Variants in ADAMTSL1 observed in about 807,000 individuals in gnomAD.
ADAMTSL1 encodes ADAMTS like 1, also known as ADAMTS-like protein 1.
ADAMTSL1 carries 126 observed loss-of-function variants against 201.8 expected under a neutral mutation model. That is an observed-to-expected ratio of 0.62 (90% CI 0.54 to 0.72). The LOEUF (loss-of-function observed/expected upper bound fraction) is 0.72, where lower values mean the gene tolerates loss of function less well. Ranked by LOEUF, ADAMTSL1 falls within the 30% of genes least tolerant of loss-of-function variation. The probability of loss-of-function intolerance (pLI) is 0.00; values close to 1 mark genes in which losing one functional copy is unlikely to be tolerated. For missense variants in ADAMTSL1, 2,679 were observed against 2,277.8 expected, an observed-to-expected ratio of 1.18 and a Z score of -3.59; for synonymous variants, 1,121 against 903.4, an observed-to-expected ratio of 1.24 and a Z score of -4.32.
chr9:17,989,743 T>C (rs1819074156), intron 1 of ADAMTSL1, among the ~76,000 whole-genome samples: 3 of 151,962 alleles, frequency 2.0e-5, no homozygotes, highest in Non-Finnish European at 4.4e-5. Context: ...GGGTATTTGT[T>C]TATTTCTAGA....
chr9:18,610,043 G>T (rs1825278533), intron 4 of ADAMTSL1, among the ~76,000 whole-genome samples: 1 of 152,046 alleles, frequency 6.6e-6, no homozygotes, highest in Non-Finnish European at 1.5e-5. Flanking sequence ...ATAGATTCTT[G>T]GTATAAATAA....
intron 10 of ADAMTSL1, among the ~76,000 whole-genome samples, chr9:18,676,615 G>A (rs1425631491): frequency 6.6e-6 from 1 of 152,060 alleles, no homozygotes; most frequent in Non-Finnish European, 1.5e-5. Context: ...GCTACTGAGT[G>A]TGTTCACTGC....
chr9:18,757,538 C>T (rs1819843766), intron 16 of ADAMTSL1, among the ~76,000 whole-genome samples: 1 of 152,044 alleles, frequency 6.6e-6, no homozygotes. Context: ...CGCATCTGTC[C>T]CTGCCCTGTC....
chr9:17,918,445 G>T (rs908991023), intron 1 of ADAMTSL1, among the ~76,000 whole-genome samples: 11 of 151,502 alleles, frequency 7.3e-5, no homozygotes, highest in African/African-American at 4.8e-5. Flanking sequence ...GATTATCTGG[G>T]TATCTTTGTG....
chr9:18,713,660 A>T (rs963309686), intron 14 of ADAMTSL1, among the ~76,000 whole-genome samples: 5 of 150,658 alleles, frequency 3.3e-5, no homozygotes, highest in Admixed American at 3.3e-4. Context: ...GGAGACTTTA[A>T]CACCCCACTG....
chr9:18,122,929 G>T (rs1369390446), intron 1 of ADAMTSL1, among the ~76,000 whole-genome samples: 2 of 151,960 alleles, frequency 1.3e-5, no homozygotes, highest in African/African-American at 4.8e-5. Context: ...TGTCAAGATG[G>T]AGTTTCACCA....
intron 1 of ADAMTSL1, among the ~76,000 whole-genome samples, chr9:17,947,905 A>G (rs1262212219): frequency 1.3e-5 from 2 of 152,192 alleles, no homozygotes; most frequent in African/African-American, 4.8e-5. Context: ...GCAGCTGCAC[A>G]TGATACACCA....
chr9:18,350,016 C>G (rs1441861596), intron 2 of ADAMTSL1, among the ~76,000 whole-genome samples: 1 of 151,712 alleles, frequency 6.6e-6, no homozygotes, highest in Non-Finnish European at 1.5e-5. Flanking sequence ...GTGTTGTTGG[C>G]CTGCAGTAAC....
intron 15 of ADAMTSL1, among the ~76,000 whole-genome samples, chr9:18,738,669 G>A (rs1158750942): frequency 6.6e-6 from 1 of 152,028 alleles, no homozygotes; most frequent in African/African-American, 2.4e-5. Flanking sequence ...AGGATCAGAG[G>A]GCAACTAGAA....
At chr9:18,819,207 G>T (rs1010857334) in intron 21 of ADAMTSL1, among the ~76,000 whole-genome samples, 14 of 152,178 alleles carry the variant, frequency 9.2e-5, no homozygotes, top group African/African-American at 3.4e-4. Flanking sequence ...TGTAATCACA[G>T]CACTTTGGGG....
At chr9:18,860,358 C>G (rs2131413171) in intron 23 of ADAMTSL1, among the ~76,000 whole-genome samples, 1 of 152,282 alleles carries the variant, frequency 6.6e-6, no homozygotes, top group East Asian at 1.9e-4. Flanking sequence ...AGACCACCAC[C>G]CCTTTATAAA....
At position 18,909,833 on chromosome 9, in the gene ADAMTSL1, A is replaced by C. The variant is rs1563913593; in HGVS notation, c.*1285A>C. ...TTTATCTAGCAAGGCGGGGTGGTGG[A>C]GGCAGCACCCTGGCAAAGCAGCTCA... On this transcript the variant is annotated 3_prime_UTR_variant, in exon 29 of 29. Coordinates refer to ENST00000380548, the MANE Select transcript of ADAMTSL1 (RefSeq NM_001040272.6). 3 of 152,164 alleles carry C rather than the reference A, an allele frequency of 2.0e-5. No homozygotes were observed. The allele number at this position is 152,164 out of a possible 1,614,324, so 9.4% of individuals were successfully genotyped here. A position where few individuals can be genotyped will look rare whatever the true frequency, so the allele number is the denominator to read the frequency against.
In ADAMTSL1 at chr9:18,699,529, T is replaced by A. The variant is rs114808549; in HGVS notation, c.1575-7218T>A. 4.9e-3 allele frequency among the ~76,000 whole-genome samples: 740 copies of A among 152,142 alleles called. 9 individuals carry two copies. Among genetic ancestry groups the A allele is most frequent in the African/African-American group, 0.016 (684 of 41,508 alleles). On this transcript the variant is annotated intron_variant, in intron 13 of 28. Coordinates refer to ENST00000380548, the MANE Select transcript of ADAMTSL1 (RefSeq NM_001040272.6). Reference sequence around the variant, plus strand: ...ATTATTGGTAGACATGGGGTCTTGCTATATTGCCCAGGCTGGTCTCAAACT... The same window carrying A: ...ATTATTGGTAGACATGGGGTCTTGCAATATTGCCCAGGCTGGTCTCAAACT...
At chr9:18,112,324 G>T (rs144891693) in intron 1 of ADAMTSL1, among the ~76,000 whole-genome samples, 2 of 152,006 alleles carry the variant, frequency 1.3e-5, no homozygotes, top group Admixed American at 1.3e-4. Context: ...TAATCTCCCC[G>T]AGGGGACGTA....
chr9:18,401,115 T>G (rs2809859), intron 2 of ADAMTSL1, among the ~76,000 whole-genome samples: 19,109 of 152,244 alleles, frequency 0.13, 1,507 homozygotes, highest in South Asian at 0.24. Context: ...ATTTTATTTC[T>G]GTGATAAATA....
intron 23 of ADAMTSL1, among the ~76,000 whole-genome samples, chr9:18,871,044 T>G (rs1040881669): frequency 6.6e-6 from 1 of 152,194 alleles, no homozygotes; most frequent in Non-Finnish European, 1.5e-5. Flanking sequence ...CAGAAGTAAA[T>G]GCTCTCCTAA....
intron 2 of ADAMTSL1, among the ~76,000 whole-genome samples, chr9:18,167,399 A>G (rs1269997026): frequency 6.6e-6 from 1 of 151,948 alleles, no homozygotes; most frequent in Non-Finnish European, 1.5e-5. Flanking sequence ...GACTGGTAAA[A>G]TAGAGGTGTC....
At position 18,731,798 on chromosome 9, in the gene ADAMTSL1, G is replaced by C. The variant is rs1376676094; in HGVS notation, c.2006+10133G>C. On this transcript the variant is annotated intron_variant, in intron 15 of 28. Transcript: ENST00000380548. ...AAAGCAGGAGCAAGAGGGACAGTGA[G>C]GAGGTGCTACATACTTTTAAATGAC... Among the ~76,000 whole-genome samples the C allele has an allele frequency of 2.0e-5, 3 of 152,096 alleles. No individual in the cohort carries two copies. The East Asian group carries it at 5.8e-4, about 29-fold the overall frequency.
rs1310210623 is a variant in ADAMTSL1, at chr9:18,458,600, C to T, written c.208-46229C>T. Among the ~76,000 whole-genome samples, 3 of 152,138 alleles carry T rather than the reference C, an allele frequency of 2.0e-5. No homozygotes were observed. The East Asian group carries it at 5.8e-4, about 29-fold the overall frequency. On this transcript the variant is annotated intron_variant, in intron 2 of 29. Transcript: ENST00000680146. ...ATGTCCCATGATAGGTTCTCATTAG[C>T]TTATTTCACTAGATTTTCAGAGCAT...
Sources: allele counts gnomAD v4.1 joint callset (sites outside exome capture counted in the v4.1 genomes callset), GRCh38; gene constraint gnomAD v4.1.1; transcripts MANE v1.5; gene names NCBI Gene and HGNC (gene_info 2026-07-23, HGNC 2026-07-21).